The following SPOCD1 variants were observed in gnomAD, a reference collection of about 807,000 sequenced individuals.
The protein encoded by SPOCD1 is SPOC domain-containing protein 1.
A neutral mutation model predicts 92.2 loss-of-function variants in SPOCD1; 64 were observed. The observed-to-expected ratio is 0.69, with a 90% CI of 0.57 to 0.86. The LOEUF is 0.86. Ranked by LOEUF, SPOCD1 falls within the 40% of genes least tolerant of loss-of-function variation. The pLI is 0.00. For synonymous variants in SPOCD1, 578 were observed against 619.3 expected (o/e 0.93, Z 0.99); for missense variants, 1,360 against 1,543.1 (o/e 0.88, Z 1.99).
intron 2 of SPOCD1, among the ~76,000 whole-genome samples, chr1:31,804,486 A>C (rs1648678354): frequency 6.6e-6 from 1 of 152,222 alleles, no homozygotes; most frequent in African/African-American, 2.4e-5. Context: ...AAACATAAAA[A>C]AATAATATTT....
rs779613272 is a variant in SPOCD1, at chr1:31,814,687, G to A, written c.647C>T (p.Ser216Leu). ...RKKWRRQGAH[S>L]ECEEGAGDFL... ...GTCACCAGCCCCTTCCTCACACTCT[G>A]AATGAGCCCCTTGCCTCCTCCATTT... The change falls in exon 2 of 16, where the codon TCA (serine) becomes TTA (leucine). Residue 216 changes from serine (S) to leucine (L), a missense_variant. Ser to Leu is a moderately radical substitution (Grantham distance 145). This residue lies in a region of SPOCD1 where 606 missense variants were observed against 601.5 expected (regional missense o/e 1.01). Coordinates refer to ENST00000360482, the MANE Select transcript of SPOCD1 (RefSeq NM_144569.7). This position sits in a 1 kb window ranked among gnomAD's most constrained non-coding sequence, Gnocchi z 4.2. 6.3e-7 allele frequency: 1 copy of A among 1,585,454 alleles called. No homozygotes were observed. The highest frequency in any genetic ancestry group is 8.6e-7 in the Non-Finnish European group (1 of 1,167,096).
rs149232296 is a variant in SPOCD1 at position 31,792,002 on chromosome 1, T to C, written c.2962+213A>G. On this transcript the variant is annotated intron_variant, in intron 15 of 15. Coordinates refer to ENST00000360482, the MANE Select transcript of SPOCD1 (RefSeq NM_144569.7). The stretch of plus-strand genomic sequence containing the variant: ...TCATAGGGTGATGAGACTACAAGAA[T>C]TCATCTAGGTAAAGCTTTTAGAACA... The C allele has an allele frequency of 2.3e-3, 1,377 of 603,152 alleles. 12 individuals carry two copies. In the African/African-American group the frequency reaches 0.023, roughly 10 times the overall value. 37.4% of individuals were successfully genotyped at this position (603,152 alleles called of 1,614,324 possible).
intron 6 of SPOCD1, 152 bp downstream of exon 6, chr1:31,799,657 C>T: frequency 1.7e-6 from 2 of 1,153,128 alleles, no homozygotes; most frequent in Non-Finnish European, 2.5e-6. Flanking sequence ...GCCCCCACCC[C>T]TTCCCCCACC....
chr1:31,791,366 T>C, intron 15 of SPOCD1, 75 bp from the exon 16 acceptor site: 5 of 1,228,160 alleles, frequency 4.1e-6, no homozygotes, highest in Non-Finnish European at 5.4e-6. Context: ...TTCTTCACAG[T>C]GAGATGGGGC....
chr1:31,802,250 G>A (rs1436810301), intron 2 of SPOCD1, among the ~76,000 whole-genome samples: 1 of 152,230 alleles, frequency 6.6e-6, no homozygotes, highest in African/African-American at 2.4e-5. Flanking sequence ...TAAAGGGTAA[G>A]GAAGTCATCA....
chr1:31,814,595 C>T lies in SPOCD1; in HGVS notation c.739G>A (p.Ala247Thr). 6.5e-7 allele frequency: 1 copy of T among 1,529,094 alleles called. No homozygotes were observed. Among genetic ancestry groups the T allele is most frequent in the Admixed American group, 2.1e-5 (1 of 47,700 alleles). The allele number at this position is 1,529,094 out of a possible 1,614,324, so 94.7% of individuals were successfully genotyped here. A position where few individuals can be genotyped will look rare whatever the true frequency, so the allele number is the denominator to read the frequency against. The change falls in exon 2 of 16, where the codon GCT (alanine) becomes ACT (threonine). Residue 247 changes from alanine to threonine, a missense_variant. By Grantham distance (58) the Ala-to-Thr change is moderately conservative. Transcript: ENST00000360482. This position sits in a 1 kb window ranked among gnomAD's most constrained non-coding sequence, Gnocchi z 4.2. Reference protein sequence around the residue: ...LLSVGDPPQVADLESLGGPCR... With the variant: ...LLSVGDPPQVTDLESLGGPCR... ...GGGCCTCCCAAGGACTCCAGGTCAG[C>T]AACTTGGGGAGGGTCTCCCACAGAC...
rs756170951 is a variant in SPOCD1, at chr1:31,814,121, C to T, written c.1213G>A (p.Ala405Thr). 1 of 1,608,246 alleles carries T rather than the reference C, an allele frequency of 6.2e-7. No homozygotes were observed. The highest frequency in any genetic ancestry group is 8.5e-7 in the Non-Finnish European group (1 of 1,176,208). ...AATGGGCCTGAGCAGGCCCTGCTGG[C>T]TTCAGTATCCAGGGAGGAGCTGAGG... The part of the protein sequence containing the change: ...GGLSSSLDTE[A>T]SRACSGPFME... The change falls in exon 2 of 16, where the codon GCC (alanine) becomes ACC (threonine). Residue 405 changes from alanine to threonine, a missense_variant. By Grantham distance (58) the Ala-to-Thr change is moderately conservative (BLOSUM62 0). This residue lies in a region of SPOCD1 where 606 missense variants were observed against 601.5 expected (regional missense o/e 1.01). Coordinates refer to ENST00000360482, the MANE Select transcript of SPOCD1 (RefSeq NM_144569.7). This position sits in a 1 kb window ranked among gnomAD's most constrained non-coding sequence, Gnocchi z 4.2.
chr1:31,790,858 G>C lies in SPOCD1; in HGVS notation c.3396C>G (p.Gly1132=), dbSNP rs758816266. Reference sequence around the variant, plus strand: ...TGTGGAAGTGCTGGCCACGGCCAAAGCCATGACCAGCTGGTGCTACTGAAT... The same window carrying C: ...TGTGGAAGTGCTGGCCACGGCCAAACCCATGACCAGCTGGTGCTACTGAAT... ...HPYSVAPAGH[G]FGRGQHFHRD... The change falls in exon 16 of 16, where the codon GGC becomes GGG. Residue 1132 remains glycine (G), a synonymous_variant. Transcript: ENST00000360482. 38 of 1,561,848 alleles carry C rather than the reference G, an allele frequency of 2.4e-5. No homozygotes were observed. Among genetic ancestry groups the C allele is most frequent in the Non-Finnish European group, 3.0e-5 (35 of 1,154,192 alleles).
intron 2 of SPOCD1, 28 bp downstream of exon 2, chr1:31,813,923 C>G (rs923610323): frequency 1.4e-6 from 2 of 1,464,088 alleles, no homozygotes; most frequent in Non-Finnish European, 9.1e-7. Context: ...CAGGCCCTTC[C>G]TATCCCAAAC....
At chr1:31,803,638 G>A (rs1434590885) in intron 2 of SPOCD1, among the ~76,000 whole-genome samples, 1 of 152,040 alleles carries the variant, frequency 6.6e-6, no homozygotes. Flanking sequence ...CTACTCAGGA[G>A]GCTGAGGCGG....
chr1:31,793,876 A>G lies in SPOCD1; in HGVS notation c.2405T>C (p.Leu802Pro). 6.2e-7 allele frequency: 1 copy of G among 1,612,992 alleles called. No homozygotes were observed. Residue 802 changes from leucine to proline, a missense_variant, in exon 12 of 16, where the codon CTG becomes CCG. This residue lies in a region of SPOCD1 where 614 missense variants were observed against 757.8 expected (regional missense o/e 0.81). Transcript: ENST00000360482. ...CTTGGCGGCTTCGAAGGAGCCTAGC[A>G]GCTCATTCGAGGGCTCCCAGTCTGC... ...ICKDWEPSNE[L>P]LGSFEAAKSC...
At chr1:31,812,830 T>A (rs1385274900) in intron 2 of SPOCD1, among the ~76,000 whole-genome samples, 4 of 152,220 alleles carry the variant, frequency 2.6e-5, no homozygotes, top group African/African-American at 9.6e-5. Context: ...GTAGCCTTGC[T>A]CCCATTCACC....
At chr1:31,792,850 G>A in intron 13 of SPOCD1, 83 bp from the exon 14 acceptor site, 1 of 1,087,104 alleles carries the variant, frequency 9.2e-7, no homozygotes, top group Non-Finnish European at 1.4e-6. Context: ...CTGGAAGGCT[G>A]CAGCCTGTGG....
chr1:31,799,294 G>T (rs1648258861), intron 7 of SPOCD1, 107 bp downstream of exon 7: 3 of 970,162 alleles, frequency 3.1e-6, no homozygotes, highest in Non-Finnish European at 4.8e-6. Context: ...CTACCAAATG[G>T]GGTTAGCCAG....
In SPOCD1 at chr1:31,804,985, C is replaced by CTTTCTTTTT. The variant is rs1553199549; in HGVS notation, c.1384-3281_1384-3280insAAAAAGAAA. On this transcript the variant is annotated intron_variant, in intron 2 of 15. Transcript: ENST00000360482. Reference sequence around the variant, plus strand: ...AAATTTCTTTTTTCTTTCTTTCTTTCTTTTTTTTTTTTTTGAGATGGAGTC... The same window carrying CTTTCTTTTT: ...AAATTTCTTTTTTCTTTCTTTCTTTCTTTCTTTTTTTTTTTTTTTTTTTGAGATGGAGTC... Among the ~76,000 whole-genome samples the CTTTCTTTTT allele has an allele frequency of 3.0e-3, 317 of 105,888 alleles. 6 individuals are homozygous for CTTTCTTTTT. The highest frequency in any genetic ancestry group is 0.011 in the East Asian group (38 of 3,364). The allele number at this position is 105,888 out of a possible 152,430, so 69.5% of individuals were successfully genotyped here.
rs1244817035 is a variant in SPOCD1 at position 31,800,431 on chromosome 1, TG to T, written c.1602+9del. On this transcript the variant is annotated intron_variant, in intron 4 of 15. Transcript: ENST00000360482. ...CTCAGCAGGATTAAATGACATCACT[TG>T]TTCTGTACCTGGCACCCAGCAGGGC... 6.4e-7 allele frequency: 1 copy of T among 1,558,000 alleles called. No homozygotes were observed. Among genetic ancestry groups the T allele is most frequent in the Non-Finnish European group, 8.7e-7 (1 of 1,148,374 alleles).
At position 31,793,801 on chromosome 1, in the gene SPOCD1, G is replaced by T. The variant is rs1395284982; in HGVS notation, c.2480C>A (p.Pro827His). 1 of 1,614,230 alleles carries T rather than the reference G, an allele frequency of 6.2e-7. No homozygotes were observed. Among genetic ancestry groups the T allele is most frequent in the Admixed American group, 1.7e-5 (1 of 60,030 alleles). The change falls in exon 12 of 16, where the codon CCT (proline) becomes CAT (histidine). Residue 827 changes from proline to histidine, a missense_variant. By Grantham distance (77) the Pro-to-His change is moderately conservative (BLOSUM62 -2). This residue lies in a region of SPOCD1 where 614 missense variants were observed against 757.8 expected (regional missense o/e 0.81). Coordinates refer to ENST00000360482, the MANE Select transcript of SPOCD1 (RefSeq NM_144569.7). ...FQKALSQTPM[P>H]APEMPKTREL... ...CCTGGTTTTGGGCATCTCTGGAGCA[G>T]GCATAGGAGTTTGGCTTAGGGCTTT...
rs144618598 is a variant in SPOCD1 at position 31,792,305 on chromosome 1, G to A, written c.2872C>T (p.Leu958=). The A allele has an allele frequency of 4.2e-4, 680 of 1,613,914 alleles. 3 individuals carry two copies. The African/African-American group carries it at 8.2e-3, about 19-fold the overall frequency. ...ATCCCCATGTGCTCCACAGAGGCCA[G>A]CCCGTGGCGCTGCCTATCATTGAGG... ...SYLNDRQRHG[L]ASVEHMGMVL... is the part of the protein sequence containing the mutation. The change falls in exon 15 of 16, where the codon CTG becomes TTG. Residue 958 remains leucine (L), a synonymous_variant. Transcript: ENST00000360482.
chr1:31,796,760 C>T, intron 9 of SPOCD1, 45 bp from the exon 10 acceptor site: 2 of 1,612,252 alleles, frequency 1.2e-6, no homozygotes, highest in Non-Finnish European at 1.7e-6. Flanking sequence ...TAGGGGGCCT[C>T]TGGCCATCAA....
Sources: gnomAD v4.1 joint callset for allele counts (sites outside exome capture counted in the v4.1 genomes callset) on GRCh38, gnomAD v4.1.1 for gene constraint, gnomAD v4.1.1 regional missense constraint, Gnocchi (gnomAD v3.1) non-coding constraint, MANE v1.5 for transcripts, NCBI Gene and HGNC (gene_info 2026-07-23, HGNC 2026-07-21) for gene names.